NXF1: variants seen among roughly 807,000 people sequenced by gnomAD.
NXF1 encodes mRNA export factor TAP.
NXF1 carries 43 observed loss-of-function variants against 92.4 expected under a neutral mutation model. That is an observed-to-expected ratio of 0.47 (90% CI 0.36 to 0.60). The LOEUF is 0.60. Ranked by LOEUF, NXF1 falls within the 20% of genes least tolerant of loss-of-function variation. NXF1 has a pLI of 0.00. For synonymous variants in NXF1, 288 were observed against 292.2 expected (o/e 0.99, Z 0.15); for missense variants, 576 against 793.0 (o/e 0.73, Z 3.29).
rs929010592 is a variant in NXF1 at position 62,799,986 on chromosome 11, C to T, written c.1016+391G>A. 7.0e-6 allele frequency: 7 copies of T among 1,005,244 alleles called. No homozygotes were observed. In the African/African-American group the frequency reaches 1.2e-4, roughly 17 times the overall value. 62.3% of individuals were successfully genotyped at this position (1,005,244 alleles called of 1,614,324 possible). A position where few individuals can be genotyped will look rare whatever the true frequency, so the allele number is the denominator to read the frequency against. ...AGTAGGAAGTCCCAGGTAGGGAGGG[C>T]TTCCTCAACCCATGGACACCAGGCT... On this transcript the variant is annotated intron_variant, in intron 10 of 20. Coordinates refer to ENST00000294172, the MANE Select transcript of NXF1 (RefSeq NM_006362.5).
chr11:62,800,512 G>A (rs763506805), intron 9 of NXF1, 26 bp from the exon 10 acceptor site: 26 of 1,568,800 alleles, frequency 1.7e-5, no homozygotes, highest in African/African-American at 2.7e-5. Flanking sequence ...GGAACAAAGG[G>A]AGGAGACCCT....
chr11:62,804,679 T>G (rs2084514900), intron 1 of NXF1, among the ~76,000 whole-genome samples: 2 of 152,188 alleles, frequency 1.3e-5, no homozygotes, highest in South Asian at 4.1e-4. Flanking sequence ...AAGGCGCAGC[T>G]AACATTCACT....
chr11:62,803,822 C>G lies in NXF1; in HGVS notation c.185G>C (p.Ser62Thr). ...LEEDDGDVAM[S>T]DAQDGPRVRY... ...TACTCGGGGACCATCCTGGGCATCA[C>G]TCATTGCCACATCTCCATCATCTTC... Residue 62 changes from serine to threonine, a missense_variant, in exon 2 of 21, where the codon AGT becomes ACT. Transcript: ENST00000294172. 1.2e-6 allele frequency: 2 copies of G among 1,614,112 alleles called. No individual in the cohort carries two copies. The highest frequency in any genetic ancestry group is 1.7e-6 in the Non-Finnish European group (2 of 1,179,972).
At chr11:62,794,146 C>T in intron 19 of NXF1, 112 bp downstream of exon 19, 7 of 922,180 alleles carry the variant, frequency 7.6e-6, no homozygotes, top group Admixed American at 2.7e-5. Context: ...GCCTGGATGA[C>T]AGCGCAAGAA....
chr11:62,804,026 G>C, intron 1 of NXF1, 48 bp from the exon 2 acceptor site: 1 of 1,602,582 alleles, frequency 6.2e-7, no homozygotes, highest in East Asian at 2.2e-5. Context: ...AACTGGTCCG[G>C]TTTGGTGTGG....
chr11:62,799,623 T>C lies in NXF1; in HGVS notation c.1016+754A>G, dbSNP rs928603492. 1.1e-5 allele frequency: 11 copies of C among 985,530 alleles called. No homozygotes were observed. The African/African-American group carries it at 1.7e-4, about 16-fold the overall frequency. The allele number at this position is 985,530 out of a possible 1,614,324, so 61.0% of individuals were successfully genotyped here. Reference sequence around the variant, plus strand: ...AACAGGGTGACGTGCAGTGTGTGAGTGAGGGAGAGGCAGCGCCCCCGAGGG... The same window carrying C: ...AACAGGGTGACGTGCAGTGTGTGAGCGAGGGAGAGGCAGCGCCCCCGAGGG... On this transcript the variant is annotated intron_variant, in intron 10 of 20. Transcript: ENST00000294172.
Position 62,801,730 on chromosome 11 carries a change from C to T in NXF1, c.639+9G>A. The T allele has an allele frequency of 6.2e-7, 1 of 1,613,142 alleles. No individual in the cohort carries two copies. Among genetic ancestry groups the T allele is most frequent in the Non-Finnish European group, 8.5e-7 (1 of 1,179,118 alleles). ...TGGGTTGGAAACATCTAATTTGAGCCTGCCTCACCTTTAGCTGTTCTACTT... is the reference window on the plus strand; with the variant it reads ...TGGGTTGGAAACATCTAATTTGAGCTTGCCTCACCTTTAGCTGTTCTACTT... On this transcript the variant is annotated intron_variant, in intron 6 of 20. Transcript: ENST00000294172.
At position 62,792,744 on chromosome 11, in the gene NXF1, T is replaced by C. The variant is rs768118174; in HGVS notation, c.1761-43A>G. On this transcript the variant is annotated intron_variant, in intron 19 of 20. Coordinates refer to ENST00000294172, the MANE Select transcript of NXF1 (RefSeq NM_006362.5). ...GCAGCTCTGTAAGAACTCTGACTCG[T>C]AAATGCCAGCTGAAAGTCCACTCCA... 6 of 1,601,818 alleles carry C rather than the reference T, an allele frequency of 3.7e-6. No individual in the cohort carries two copies. In the South Asian group the frequency reaches 6.6e-5, roughly 18 times the overall value.
At chr11:62,794,191 G>A in intron 19 of NXF1, 67 bp downstream of exon 19, 2 of 1,464,352 alleles carry the variant, frequency 1.4e-6, no homozygotes, top group Non-Finnish European at 1.9e-6. Context: ...AAACTGTCAG[G>A]AGCCCTCATT....
intron 3 of NXF1, among the ~76,000 whole-genome samples, chr11:62,802,734 G>A (rs2084492121): frequency 6.6e-6 from 1 of 151,930 alleles, no homozygotes; most frequent in South Asian, 2.1e-4. Flanking sequence ...ACTGTACCCA[G>A]CCCATTTACA....
chr11:62,802,376 C>G (rs1271469765), intron 3 of NXF1, 116 bp from the exon 4 acceptor site: 6 of 769,778 alleles, frequency 7.8e-6, no homozygotes, highest in African/African-American at 1.7e-5. Context: ...AAGAAAGGAC[C>G]AGTACTAGGT....
intron 1 of NXF1, chr11:62,805,111 C>T (rs1427959241): frequency 2.5e-6 from 1 of 398,522 alleles, no homozygotes; most frequent in Non-Finnish European, 4.4e-6. Flanking sequence ...ACCCCCGAGC[C>T]ATCCGCTCCG....
Position 62,801,148 on chromosome 11 carries a change from A to G in NXF1, c.852T>C (p.Ser284=). The change falls in exon 9 of 21, where the codon TCT becomes TCC. Residue 284 remains serine, a synonymous_variant. Coordinates refer to ENST00000294172, the MANE Select transcript of NXF1 (RefSeq NM_006362.5). ...GGTTGGGTGCCTTCTGAACAATGCT[A>G]GACATGTCATCCAGCCTGTACAGCC... ...NNRLYRLDDM[S]SIVQKAPNLK... is the part of the protein sequence containing the mutation. The G allele has an allele frequency of 6.2e-7, 1 of 1,614,068 alleles. No homozygotes were observed. The highest frequency in any genetic ancestry group is 2.2e-5 in the East Asian group (1 of 44,890).
chr11:62,802,137 C>T, intron 4 of NXF1, 40 bp downstream of exon 4: 2 of 1,608,970 alleles, frequency 1.2e-6, no homozygotes, highest in East Asian at 2.2e-5. Context: ...CTTCACCATC[C>T]CTGGTGCCTG....
At chr11:62,800,277 G>A in intron 10 of NXF1, 100 bp downstream of exon 10, 1 of 1,575,588 alleles carries the variant, frequency 6.3e-7, no homozygotes, top group East Asian at 2.3e-5. Flanking sequence ...TTCCAGCTCA[G>A]GGCTGCACAT....
chr11:62,796,970 G>A, intron 13 of NXF1: 2 of 588,724 alleles, frequency 3.4e-6, no homozygotes, highest in South Asian at 2.0e-5. Context: ...GGGAGGCTGA[G>A]GCAGGAGAAT....
intron 12 of NXF1, 38 bp downstream of exon 12, chr11:62,797,280 C>T (rs747747714): frequency 6.2e-6 from 10 of 1,614,060 alleles, no homozygotes; most frequent in Non-Finnish European, 7.6e-6. Flanking sequence ...GCAGTATTCT[C>T]TCCACACACA....
intron 9 of NXF1, 85 bp downstream of exon 9, chr11:62,801,009 T>C (rs1404291733): frequency 3.0e-6 from 3 of 1,002,586 alleles, no homozygotes; most frequent in Middle Eastern, 2.1e-4. Context: ...CTGAGTTCTC[T>C]CTCTTGCCTC....
chr11:62,800,605 C>CTTTTT, intron 9 of NXF1, 119 bp from the exon 10 acceptor site: 2 of 482,022 alleles, frequency 4.1e-6, no homozygotes, highest in Non-Finnish European at 7.2e-6. Context: ...AAAATTTTTT[C>CTTTTT]TTTTTTTTTT....
Sources: gnomAD v4.1 joint callset for allele counts (sites outside exome capture counted in the v4.1 genomes callset) on GRCh38, gnomAD v4.1.1 for gene constraint, MANE v1.5 for transcripts, NCBI Gene and HGNC (gene_info 2026-07-23, HGNC 2026-07-21) for gene names.